Variants in CNTNAP2 observed in about 807,000 individuals in gnomAD.
CNTNAP2 encodes contactin associated protein 2, also known as contactin-associated protein-like 2.
In CNTNAP2, 98 loss-of-function variants were observed where a neutral mutation model predicts 155.2. That is an observed-to-expected ratio of 0.63 (90% CI 0.54 to 0.75). The LOEUF (loss-of-function observed/expected upper bound fraction) is 0.75, where lower values mean the gene tolerates loss of function less well. CNTNAP2 is among the 30% of genes least tolerant of loss of function. The probability of loss-of-function intolerance (pLI) is 0.00; values close to 1 mark genes in which losing one functional copy is unlikely to be tolerated. For missense variants in CNTNAP2, 1,727 were observed against 1,688.1 expected (o/e 1.02, Z -0.40); for synonymous variants, 651 against 631.2 (o/e 1.03, Z -0.47).
chr7:146,617,093 C>T (rs1053405342), intron 1 of CNTNAP2, among the ~76,000 whole-genome samples: 1 of 152,118 alleles, frequency 6.6e-6, no homozygotes, highest in East Asian at 1.9e-4. Flanking sequence ...GATCTCCGCT[C>T]GCTGCAAGTT....
intron 14 of CNTNAP2, among the ~76,000 whole-genome samples, chr7:147,941,598 T>A (rs1800722916): frequency 6.6e-6 from 1 of 152,220 alleles, no homozygotes; most frequent in South Asian, 2.1e-4. Context: ...TACACAAACA[T>A]GTCGATTCTC....
chr7:147,872,135 G>T (rs1407478681), intron 13 of CNTNAP2, among the ~76,000 whole-genome samples: 1 of 152,138 alleles, frequency 6.6e-6, no homozygotes, highest in Non-Finnish European at 1.5e-5. Context: ...CACCCTGTGT[G>T]TTCCAATTTA....
intron 1 of CNTNAP2, among the ~76,000 whole-genome samples, chr7:146,510,791 T>C (rs1466333652): frequency 6.6e-6 from 1 of 152,118 alleles, no homozygotes; most frequent in Non-Finnish European, 1.5e-5. Flanking sequence ...TTGTTTGCTG[T>C]TGGTGTACAT....
intron 13 of CNTNAP2, among the ~76,000 whole-genome samples, chr7:147,760,822 C>G (rs1563079430): frequency 6.6e-6 from 1 of 152,174 alleles, no homozygotes; most frequent in Admixed American, 6.5e-5. Context: ...GCAAGGCAAT[C>G]ATGGTTCTGG....
chr7:147,269,217 AG>A (rs1430288290), intron 8 of CNTNAP2, among the ~76,000 whole-genome samples: 1 of 152,176 alleles, frequency 6.6e-6, no homozygotes, highest in African/African-American at 2.4e-5. Flanking sequence ...TATGACCATA[AG>A]ATATTTCAAA....
At chr7:147,986,805 T>C (rs573195806) in intron 15 of CNTNAP2, among the ~76,000 whole-genome samples, 5 of 152,216 alleles carry the variant, frequency 3.3e-5, no homozygotes, top group Admixed American at 2.6e-4. Flanking sequence ...ATAGAAAACC[T>C]ACAGCCACAG....
Position 148,390,450 on chromosome 7 carries a change from C to T in CNTNAP2, c.3715+6562C>T, listed in dbSNP as rs1330383082. ...AAAAGATGCTGCTTTAAAATGAGGG[C>T]TGTGCTTTTCTGAAAATACAGCAGG... On this transcript the variant is annotated intron_variant, in intron 22 of 23. Transcript: ENST00000361727. Among the ~76,000 whole-genome samples, 4 of 152,200 alleles carry T rather than the reference C, an allele frequency of 2.6e-5. No homozygotes were observed. The East Asian group carries it at 7.7e-4, about 29-fold the overall frequency.
At chr7:147,860,469 A>C (rs12113666) in intron 13 of CNTNAP2, among the ~76,000 whole-genome samples, 2,359 of 151,892 alleles carry the variant, frequency 0.016, 50 homozygotes, top group African/African-American at 0.055. Context: ...GGGTGTCTAT[A>C]ATCCCAGCTA....
intron 19 of CNTNAP2, among the ~76,000 whole-genome samples, chr7:148,218,593 G>A (rs1430728275): frequency 2.0e-5 from 3 of 151,966 alleles, no homozygotes; most frequent in Non-Finnish European, 4.4e-5. Context: ...GGGGTCTCAC[G>A]ATGTTGCCAG....
At chr7:148,231,320 A>T (rs1473922376) in intron 20 of CNTNAP2, among the ~76,000 whole-genome samples, 7 of 152,184 alleles carry the variant, frequency 4.6e-5, no homozygotes, top group Non-Finnish European at 7.3e-5. Flanking sequence ...AATCCAGGGG[A>T]TGAATGGGTT....
At chr7:146,653,691 T>C (rs2129164304) in intron 1 of CNTNAP2, among the ~76,000 whole-genome samples, 1 of 152,352 alleles carries the variant, frequency 6.6e-6, no homozygotes, top group South Asian at 2.1e-4. Flanking sequence ...CCTTGTATCA[T>C]CATGACTTGG....
chr7:147,151,397 A>G (rs186216426), intron 8 of CNTNAP2, among the ~76,000 whole-genome samples: 97 of 152,304 alleles, frequency 6.4e-4, no homozygotes, highest in Non-Finnish European at 1.0e-4. Context: ...AAATAGGCCG[A>G]CAAAATGATA....
intron 3 of CNTNAP2, among the ~76,000 whole-genome samples, chr7:146,927,359 G>A (rs1796628814): frequency 1.3e-5 from 2 of 152,062 alleles, no homozygotes; most frequent in African/African-American, 4.8e-5. Flanking sequence ...ATTTATCATT[G>A]ACCATGACCC....
rs183808407 is a variant in CNTNAP2 at position 147,992,589 on chromosome 7, T to C, written c.2383+14600T>C. On this transcript the variant is annotated intron_variant, in intron 15 of 23. Coordinates refer to ENST00000361727, the MANE Select transcript of CNTNAP2 (RefSeq NM_014141.6). ...CCTGTGTCCCATCCATAGTTTCTCA[T>C]TAAGTCCAAGAGCCAATTGTGCTAA... Among the ~76,000 whole-genome samples, 516 of 152,326 alleles carry C rather than the reference T, an allele frequency of 3.4e-3. 3 individuals carry two copies. The highest frequency in any genetic ancestry group is 0.012 in the African/African-American group (487 of 41,568).
chr7:146,337,846 A>G (rs985602816), intron 1 of CNTNAP2, among the ~76,000 whole-genome samples: 7 of 152,218 alleles, frequency 4.6e-5, no homozygotes, highest in Admixed American at 2.0e-4. Context: ...TGTGTGCACA[A>G]TTATACCTTA....
chr7:147,366,231 A>G (rs1796227477), intron 9 of CNTNAP2, among the ~76,000 whole-genome samples: 1 of 152,072 alleles, frequency 6.6e-6, no homozygotes, highest in African/African-American at 2.4e-5. Context: ...TAGGATTCTC[A>G]TTAGCTTTTT....
chr7:146,961,677 C>T lies in CNTNAP2; in HGVS notation c.403-82230C>T, dbSNP rs148977747. ...AATATCGTCATGGTGGAATGACAGG[C>T]GGCTGATATTGTTGAGCTAGGGAAT... On this transcript the variant is annotated intron_variant, in intron 3 of 23. Transcript: ENST00000361727. Among the ~76,000 whole-genome samples the T allele has an allele frequency of 4.6e-3, 696 of 152,144 alleles. 4 individuals are homozygous for T. Among genetic ancestry groups the T allele is most frequent in the African/African-American group, 0.016 (650 of 41,502 alleles).
chr7:147,960,701 T>C (rs1801102744), intron 14 of CNTNAP2, among the ~76,000 whole-genome samples: 1 of 151,696 alleles, frequency 6.6e-6, no homozygotes, highest in Admixed American at 6.6e-5. Context: ...CAGAGGAGAG[T>C]GGACGGTAGT....
chr7:146,969,675 C>G (rs1362485840), intron 3 of CNTNAP2, among the ~76,000 whole-genome samples: 1 of 151,990 alleles, frequency 6.6e-6, no homozygotes, highest in Non-Finnish European at 1.5e-5. Context: ...GTAGATCTTC[C>G]TCCATCCTTT....
Sources: allele counts gnomAD v4.1 joint callset (sites outside exome capture counted in the v4.1 genomes callset), GRCh38; gene constraint gnomAD v4.1.1; transcripts MANE v1.5; gene names NCBI Gene and HGNC (gene_info 2026-07-23, HGNC 2026-07-21).